MBD2: variants seen among roughly 807,000 people sequenced by gnomAD.
MBD2 encodes methyl-CpG-binding domain protein 2.
In MBD2, 9 loss-of-function variants were observed where a neutral mutation model predicts 39.3. The observed-to-expected ratio is 0.23, with a 90% confidence interval of 0.14 to 0.40. The LOEUF (loss-of-function observed/expected upper bound fraction) is 0.40, where lower values mean the gene tolerates loss of function less well. Ranked by LOEUF, MBD2 falls within the 10% of genes least tolerant of loss-of-function variation. The pLI, the probability that MBD2 is intolerant of heterozygous loss-of-function variation, is 1.00. For missense variants in MBD2, 458 were observed against 532.6 expected, an observed-to-expected ratio of 0.86 and a Z score of 1.38; for synonymous variants, 233 against 211.1, an observed-to-expected ratio of 1.10 and a Z score of -0.90.
chr18:54,159,271 G>A (rs2086076845), intron 6 of MBD2, among the ~76,000 whole-genome samples: 1 of 152,182 alleles, frequency 6.6e-6, no homozygotes, highest in African/African-American at 2.4e-5. Context: ...CTCCCAGTAT[G>A]AGAACAAAAG....
chr18:54,194,470 TATTATA>T (rs1389140598), intron 2 of MBD2, among the ~76,000 whole-genome samples: 9 of 141,752 alleles, frequency 6.3e-5, no homozygotes, highest in East Asian at 5.9e-4. Context: ...TCTTCTGGTT[TATTATA>T]ATTATTAGTA....
chr18:54,189,257 T>C, intron 2 of MBD2, among the ~76,000 whole-genome samples: 1 of 144,526 alleles, frequency 6.9e-6, no homozygotes, highest in Non-Finnish European at 1.5e-5. Context: ...GGAGTCTCAC[T>C]CTGTCGCCCA....
intron 2 of MBD2, among the ~76,000 whole-genome samples, chr18:54,196,597 C>A (rs1236826787): frequency 6.6e-6 from 1 of 151,760 alleles, no homozygotes; most frequent in Non-Finnish European, 1.5e-5. Flanking sequence ...GGGCTTAATT[C>A]TATTGCTGAC....
chr18:54,183,245 T>C (rs1599087927), intron 3 of MBD2, among the ~76,000 whole-genome samples: 1 of 152,188 alleles, frequency 6.6e-6, no homozygotes, highest in Non-Finnish European at 1.5e-5. Context: ...TGAACAATGT[T>C]AGTAGGAGAA....
intron 2 of MBD2, among the ~76,000 whole-genome samples, chr18:54,194,475 T>C (rs1195519963): frequency 6.6e-6 from 1 of 152,026 alleles, no homozygotes; most frequent in African/African-American, 2.4e-5. Context: ...TGGTTTATTA[T>C]AATTATTAGT....
intron 6 of MBD2, among the ~76,000 whole-genome samples, chr18:54,157,183 C>G (rs2086058243): frequency 6.6e-6 from 1 of 152,068 alleles, no homozygotes; most frequent in African/African-American, 2.4e-5. Context: ...AAAACAAAAT[C>G]CAAGTATCAA....
At chr18:54,214,201 GTT>G (rs956827479) in intron 1 of MBD2, among the ~76,000 whole-genome samples, 1 of 137,954 alleles carries the variant, frequency 7.2e-6, no homozygotes. Flanking sequence ...TCTTTGTTTT[GTT>G]TTTTTTTTTA....
intron 3 of MBD2, among the ~76,000 whole-genome samples, chr18:54,177,932 G>A (rs533121303): frequency 2.1e-5 from 3 of 141,170 alleles, no homozygotes; most frequent in East Asian, 2.2e-4. Flanking sequence ...CTGCAACTCC[G>A]GGGCTCAAGG....
rs2086028225 is a variant in MBD2 at position 54,152,541 on chromosome 18, T to G, written c.*2783A>C. 6.6e-6 allele frequency: 1 copy of G among 152,254 alleles called. No homozygotes were observed. Among genetic ancestry groups the G allele is most frequent in the Non-Finnish European group, 1.5e-5 (1 of 68,048 alleles). 9.4% of individuals were successfully genotyped at this position (152,254 alleles called of 1,614,324 possible). A position where few individuals can be genotyped will look rare whatever the true frequency, so the allele number is the denominator to read the frequency against. ...AACACATCCTTGCTCTCATGGAGCT[T>G]ACATTCTAGTAGAGAAATAGACAAA... On this transcript the variant is annotated 3_prime_UTR_variant, in exon 7 of 7. Transcript: ENST00000256429.
chr18:54,213,852 A>G (rs2086531753), intron 1 of MBD2, among the ~76,000 whole-genome samples: 1 of 152,166 alleles, frequency 6.6e-6, no homozygotes, highest in African/African-American at 2.4e-5. Context: ...ATGTAGGTAT[A>G]TGTGTGTGTG....
chr18:54,203,159 G>A (rs2086422242), intron 2 of MBD2: 4 of 1,600,466 alleles, frequency 2.5e-6, no homozygotes, highest in Non-Finnish European at 3.4e-6. Context: ...GGTTTTTGAT[G>A]AAACATAAGT....
chr18:54,168,608 C>CATATATATATAT (rs2086154936), intron 3 of MBD2, among the ~76,000 whole-genome samples: 1 of 70,278 alleles, frequency 1.4e-5, no homozygotes, highest in African/African-American at 6.6e-5. Context: ...TTTATGTATG[C>CATATATATATAT]ATATTTGTGT....
intron 2 of MBD2, among the ~76,000 whole-genome samples, chr18:54,190,181 TC>T (rs2086311032): frequency 6.6e-6 from 1 of 152,148 alleles, no homozygotes; most frequent in Admixed American, 6.5e-5. Context: ...AAGGAAGTGT[TC>T]CTTATTTTTA....
chr18:54,162,667 T>C (rs562064140), intron 5 of MBD2, among the ~76,000 whole-genome samples: 2 of 152,350 alleles, frequency 1.3e-5, no homozygotes, highest in South Asian at 4.1e-4. Context: ...TAATTCAGCA[T>C]TCATCCCAAG....
intron 6 of MBD2, among the ~76,000 whole-genome samples, chr18:54,158,666 G>A (rs540971932): frequency 2.0e-4 from 30 of 152,260 alleles, no homozygotes; most frequent in African/African-American, 6.5e-4. Flanking sequence ...CTCCATCCCA[G>A]GCTGGAGTGT....
At chr18:54,208,935 T>C (rs1050233388) in intron 1 of MBD2, among the ~76,000 whole-genome samples, 1 of 152,240 alleles carries the variant, frequency 6.6e-6, no homozygotes, top group African/African-American at 2.4e-5. Context: ...GTTTATCATC[T>C]AGATTAGCAG....
At chr18:54,187,340 G>A (rs974973595) in intron 3 of MBD2, among the ~76,000 whole-genome samples, 1 of 152,106 alleles carries the variant, frequency 6.6e-6, no homozygotes, top group Non-Finnish European at 1.5e-5. Flanking sequence ...AATTTTTGAA[G>A]CAAATCTGTT....
intron 1 of MBD2, among the ~76,000 whole-genome samples, chr18:54,215,717 A>G (rs979726503): frequency 2.0e-5 from 3 of 150,994 alleles, no homozygotes; most frequent in African/African-American, 7.3e-5. Context: ...GCTGGTCTCG[A>G]CCTCCTGACC....
intron 1 of MBD2, among the ~76,000 whole-genome samples, chr18:54,220,215 G>A (rs913884582): frequency 6.6e-6 from 1 of 152,070 alleles, no homozygotes; most frequent in Non-Finnish European, 1.5e-5. Flanking sequence ...GAAATGACAG[G>A]AGTCAAGTAG....
Sources: allele counts gnomAD v4.1 joint callset (sites outside exome capture counted in the v4.1 genomes callset), GRCh38; gene constraint gnomAD v4.1.1; transcripts MANE v1.5; gene names NCBI Gene and HGNC (gene_info 2026-07-23, HGNC 2026-07-21).